MAGI2: variants seen among roughly 807,000 people sequenced by gnomAD.
MAGI2 encodes membrane associated guanylate kinase, WW and PDZ domain containing 2, also known as membrane-associated guanylate kinase, WW and PDZ domain-containing protein 2.
In MAGI2, 35 loss-of-function variants were observed where a neutral mutation model predicts 133.3. The ratio of observed to expected loss-of-function variants is 0.26; its 90% CI spans 0.20 to 0.35. MAGI2 has a LOEUF of 0.35. MAGI2 is among the 10% of genes least tolerant of loss of function. The pLI is 1.00. For synonymous variants in MAGI2, 729 were observed against 710.6 expected (o/e 1.03, Z -0.41); for missense variants, 1,636 against 1,863.4 (o/e 0.88, Z 2.25).
intron 2 of MAGI2, among the ~76,000 whole-genome samples, chr7:78,770,142 A>C (rs977773604): frequency 2.0e-5 from 3 of 152,214 alleles, no homozygotes; most frequent in Admixed American, 6.5e-5. Context: ...CACATGCTGG[A>C]ACAAAAGACA....
intron 1 of MAGI2, chr7:79,410,631 G>A (rs1296364112): frequency 6.6e-6 from 1 of 151,998 alleles, no homozygotes; most frequent in African/African-American, 2.4e-5. Flanking sequence ...TAATTGACTA[G>A]CTTTCTATAA....
In MAGI2 at chr7:78,167,897, G is replaced by T; in HGVS notation, c.2596+19C>A. 23 of 1,601,142 alleles carry T rather than the reference G, an allele frequency of 1.4e-5. No homozygotes were observed. The highest frequency in any genetic ancestry group is 2.0e-5 in the Non-Finnish European group (23 of 1,170,200). ...TACCACCTAACCCTCGATTCCTGCA[G>T]CAGGCTCCAGGTACATACCTCCACA... is the stretch of plus-strand genomic sequence containing the variant. On this transcript the variant is annotated intron_variant, in intron 15 of 21. Transcript: ENST00000354212.
rs1416976239 is a variant in MAGI2, at chr7:78,274,132, C to CT, written c.1409-17552dup. ...CGGATGGAGTTTCTGAGTGGATGTG[C>CT]TTTTTGTTGATGCTGATACTATTCC... On this transcript the variant is annotated intron_variant, in intron 9 of 21. Transcript: ENST00000354212. Among the ~76,000 whole-genome samples, 6 of 152,284 alleles carry CT rather than the reference C, an allele frequency of 3.9e-5. No homozygotes were observed. The South Asian group carries it at 8.3e-4, about 21-fold the overall frequency.
intron 7 of MAGI2, among the ~76,000 whole-genome samples, chr7:78,363,358 T>A (rs1412531426): frequency 6.6e-6 from 1 of 152,130 alleles, no homozygotes; most frequent in Non-Finnish European, 1.5e-5. Flanking sequence ...CAGGGCGCGG[T>A]GGCGGGTGCC....
At chr7:78,536,103 CTTTTT>C (rs544655465) in intron 3 of MAGI2, among the ~76,000 whole-genome samples, 15 of 59,936 alleles carry the variant, frequency 2.5e-4, no homozygotes, top group South Asian at 1.7e-3. Context: ...ATGAATTAAA[CTTTTT>C]TTTTTTTTTT....
At chr7:78,955,846 C>T (rs1802334329) in intron 2 of MAGI2, among the ~76,000 whole-genome samples, 1 of 150,356 alleles carries the variant, frequency 6.7e-6, no homozygotes, top group African/African-American at 2.5e-5. Context: ...TCTGAGGTCT[C>T]ACAGATTTTT....
At chr7:79,393,413 C>G (rs978257431) in intron 1 of MAGI2, among the ~76,000 whole-genome samples, 1 of 152,102 alleles carries the variant, frequency 6.6e-6, no homozygotes, top group Non-Finnish European at 1.5e-5. Context: ...AAAACAAAAT[C>G]AATTCCTAAT....
At chr7:78,185,600 C>G in intron 13 of MAGI2, 29 bp downstream of exon 13, 1 of 1,525,034 alleles carries the variant, frequency 6.6e-7, no homozygotes, top group Non-Finnish European at 8.9e-7. Context: ...GTTTTGTTCA[C>G]AGAACTGTGA....
intron 1 of MAGI2, among the ~76,000 whole-genome samples, chr7:79,186,729 G>GTATATA (rs371482167): frequency 4.2e-4 from 51 of 121,922 alleles, no homozygotes; most frequent in Non-Finnish European, 7.7e-4. Flanking sequence ...TTATACAAAA[G>GTATATA]TATATATATA....
intron 9 of MAGI2, among the ~76,000 whole-genome samples, chr7:78,333,756 G>A (rs976010630): frequency 3.3e-5 from 5 of 152,196 alleles, no homozygotes; most frequent in Non-Finnish European, 7.3e-5. Context: ...GAGTGAAGCC[G>A]CCCTGCGCAT....
chr7:78,534,181 T>C lies in MAGI2; in HGVS notation c.539-12536A>G, dbSNP rs1163979286. Among the ~76,000 whole-genome samples the C allele has an allele frequency of 3.9e-5, 6 of 152,154 alleles. No homozygotes were observed. In the East Asian group the frequency reaches 9.6e-4, roughly 24 times the overall value. ...AAAAAATCACACAAATACAAAATTATAAATTCTGACAAGAGCTAAAAAGGT... is the reference window on the plus strand; with the variant it reads ...AAAAAATCACACAAATACAAAATTACAAATTCTGACAAGAGCTAAAAAGGT... On this transcript the variant is annotated intron_variant, in intron 3 of 21. Coordinates refer to ENST00000354212, the MANE Select transcript of MAGI2 (RefSeq NM_012301.4).
At position 78,266,174 on chromosome 7, in the gene MAGI2, G is replaced by A. The variant is rs544862754; in HGVS notation, c.1409-9593C>T. 1.4e-4 allele frequency among the ~76,000 whole-genome samples: 21 copies of A among 152,216 alleles called. 1 individual carries two copies. In the South Asian group the frequency reaches 2.7e-3, roughly 20 times the overall value. ...TGTGTTTACTACCTGACCTAGGCACGTACACACACTTTTAAGACACGTAGA... is the reference window on the plus strand; with the variant it reads ...TGTGTTTACTACCTGACCTAGGCACATACACACACTTTTAAGACACGTAGA... On this transcript the variant is annotated intron_variant, in intron 9 of 21. Coordinates refer to ENST00000354212, the MANE Select transcript of MAGI2 (RefSeq NM_012301.4).
At position 78,490,825 on chromosome 7, in the gene MAGI2, C is replaced by T. The variant is rs553335592; in HGVS notation, c.966-985G>A. Among the ~76,000 whole-genome samples, 25 of 151,980 alleles carry T rather than the reference C, an allele frequency of 1.6e-4. No homozygotes were observed. The South Asian group carries it at 5.0e-3, about 30-fold the overall frequency. The stretch of plus-strand genomic sequence containing the variant: ...TCAAGGGATCTCATCTACCAATGGA[C>T]AAATTATCAAGAATGTGACATTTAT... On this transcript the variant is annotated intron_variant, in intron 5 of 21. Coordinates refer to ENST00000354212, the MANE Select transcript of MAGI2 (RefSeq NM_012301.4).
intron 1 of MAGI2, among the ~76,000 whole-genome samples, chr7:79,242,687 G>T (rs1333068021): frequency 6.6e-6 from 1 of 152,132 alleles, no homozygotes; most frequent in Non-Finnish European, 1.5e-5. Context: ...TTTCCATGTT[G>T]TTGAATTGTC....
intron 1 of MAGI2, among the ~76,000 whole-genome samples, chr7:79,060,494 G>A (rs1472606270): frequency 1.3e-5 from 2 of 152,188 alleles, no homozygotes; most frequent in Non-Finnish European, 2.9e-5. Context: ...TACATGAGGG[G>A]TTGATGGCAG....
intron 6 of MAGI2, among the ~76,000 whole-genome samples, chr7:78,429,851 A>T (rs988043132): frequency 6.6e-6 from 1 of 152,124 alleles, no homozygotes; most frequent in African/African-American, 2.4e-5. Context: ...AGATATAGGT[A>T]TTATAAGTAT....
chr7:79,402,594 G>A (rs1299907798), intron 1 of MAGI2, among the ~76,000 whole-genome samples: 1 of 152,088 alleles, frequency 6.6e-6, no homozygotes, highest in African/African-American at 2.4e-5. Flanking sequence ...TCTAAGTCCG[G>A]TGTTTTTTAA....
At chr7:78,209,624 G>A (rs1291592287) in intron 10 of MAGI2, among the ~76,000 whole-genome samples, 1 of 151,886 alleles carries the variant, frequency 6.6e-6, no homozygotes, top group African/African-American at 2.4e-5. Context: ...CGTCTTTTCT[G>A]TCTCCGAAAT....
At chr7:78,566,143 G>A (rs564291251) in intron 3 of MAGI2, among the ~76,000 whole-genome samples, 3 of 152,288 alleles carry the variant, frequency 2.0e-5, no homozygotes, top group East Asian at 1.9e-4. Context: ...CTTGGAAGTC[G>A]TTCCTTTATC....
Sources: allele counts gnomAD v4.1 joint callset (sites outside exome capture counted in the v4.1 genomes callset), GRCh38; gene constraint gnomAD v4.1.1; transcripts MANE v1.5; gene names NCBI Gene and HGNC (gene_info 2026-07-23, HGNC 2026-07-21).